STAB2: variants seen among roughly 807,000 people sequenced by gnomAD.
The protein encoded by STAB2 is stabilin-2.
A neutral mutation model predicts 338.1 loss-of-function variants in STAB2; 288 were observed. That is an observed-to-expected ratio of 0.85 (90% CI 0.77 to 0.94). The LOEUF is 0.94. Ranked by LOEUF, STAB2 falls within the 40% of genes least tolerant of loss-of-function variation. The pLI is 0.00. For synonymous variants in STAB2, 1,202 were observed against 1,193.3 expected (o/e 1.01, Z -0.15); for missense variants, 3,141 against 3,210.1 (o/e 0.98, Z 0.52).
chr12:103,736,299 C>T (rs935368350), intron 52 of STAB2, among the ~76,000 whole-genome samples: 5 of 152,254 alleles, frequency 3.3e-5, no homozygotes, highest in African/African-American at 9.6e-5. Context: ...ACTTTCCAGG[C>T]AGTGGGAAGG....
At chr12:103,722,330 G>T (rs1411300380) in intron 44 of STAB2, among the ~76,000 whole-genome samples, 1 of 152,208 alleles carries the variant, frequency 6.6e-6, no homozygotes, top group East Asian at 1.9e-4. Flanking sequence ...CAAGAGGAGT[G>T]ATTGTACAGG....
intron 11 of STAB2, among the ~76,000 whole-genome samples, chr12:103,650,810 C>T (rs1307085898): frequency 1.3e-5 from 2 of 152,182 alleles, no homozygotes; most frequent in Non-Finnish European, 2.9e-5. Context: ...CTTGTGTAAA[C>T]ACCAAGTCCA....
chr12:103,643,883 C>G (rs1278210357), intron 9 of STAB2, among the ~76,000 whole-genome samples: 1 of 140,622 alleles, frequency 7.1e-6, no homozygotes, highest in African/African-American at 2.6e-5. Flanking sequence ...GTGAGGGGCG[C>G]CTCTGCCCGG....
chr12:103,719,152 G>A (rs533598711), intron 44 of STAB2, among the ~76,000 whole-genome samples: 2 of 152,206 alleles, frequency 1.3e-5, no homozygotes, highest in Non-Finnish European at 2.9e-5. Context: ...AAAGGGATGA[G>A]ATAAGCCTGC....
At chr12:103,688,071 C>A (rs558966285) in intron 27 of STAB2, 97 bp from the exon 28 acceptor site, 2 of 1,206,356 alleles carry the variant, frequency 1.7e-6, no homozygotes, top group Non-Finnish European at 2.5e-6. Context: ...AGGCTGAGTG[C>A]AGGTGACCCA....
chr12:103,653,761 TGGAC>T, intron 12 of STAB2, among the ~76,000 whole-genome samples: 1 of 148,566 alleles, frequency 6.7e-6, no homozygotes, highest in African/African-American at 2.5e-5. Context: ...GATGGATGGA[TGGAC>T]GGATGGATGG....
intron 34 of STAB2, among the ~76,000 whole-genome samples, chr12:103,702,116 T>A (rs1475561653): frequency 7.4e-6 from 1 of 135,046 alleles, no homozygotes; most frequent in African/African-American, 2.8e-5. Context: ...TTTCATTGAT[T>A]ACTCATTAAA....
chr12:103,695,471 C>A, intron 31 of STAB2, 79 bp from the exon 32 acceptor site: 1 of 1,322,336 alleles, frequency 7.6e-7, no homozygotes, highest in Non-Finnish European at 1.1e-6. Context: ...AGGTTAATGG[C>A]ATTAGACTCT....
chr12:103,632,764 A>C (rs909487614), intron 6 of STAB2, among the ~76,000 whole-genome samples: 5 of 152,126 alleles, frequency 3.3e-5, no homozygotes, highest in African/African-American at 1.2e-4. Context: ...CCCGCCTCCC[A>C]CCGTGTCCCG....
At chr12:103,732,882 G>A (rs1881744598) in intron 50 of STAB2, 124 bp from the exon 51 acceptor site, 1 of 1,114,300 alleles carries the variant, frequency 9.0e-7, no homozygotes, top group South Asian at 1.6e-5. Flanking sequence ...CATCACCCTT[G>A]AACCATCCAG....
At chr12:103,599,965 A>G (rs559635529) in intron 3 of STAB2, among the ~76,000 whole-genome samples, 1 of 152,364 alleles carries the variant, frequency 6.6e-6, no homozygotes, top group Admixed American at 6.5e-5. Flanking sequence ...CAAATTCTTA[A>G]GTTAGGCCTG....
intron 68 of STAB2, among the ~76,000 whole-genome samples, chr12:103,765,734 G>C (rs958749342): frequency 1.7e-5 from 2 of 121,086 alleles, no homozygotes; most frequent in African/African-American, 5.5e-5. Flanking sequence ...TAGAGATAAG[G>C]TTTCACCGTG....
In STAB2 at chr12:103,717,777, G is replaced by A. The variant is rs1253829817; in HGVS notation, c.4619G>A (p.Cys1540Tyr). The change falls in exon 44 of 69, where the codon TGT becomes TAT. Residue 1540 changes from cysteine to tyrosine, a missense_variant. Transcript: ENST00000388887. The stretch of plus-strand genomic sequence containing the variant: ...GCTTCTACTCCTGGACAGGCTGCCT[G>A]TAACTGTTTGCCAGCATACACTGGA... ...CTQTGPNQAACNCLPAYTGDG... is the reference protein window; with the variant it reads ...CTQTGPNQAAYNCLPAYTGDG... 1.9e-6 allele frequency: 3 copies of A among 1,613,996 alleles called. No individual in the cohort carries two copies. Among genetic ancestry groups the A allele is most frequent in the South Asian group, 2.2e-5 (2 of 91,080 alleles).
At chr12:103,590,872 GT>G in intron 1 of STAB2, 24 bp from the exon 2 acceptor site, 2 of 1,613,736 alleles carry the variant, frequency 1.2e-6, no homozygotes, top group Non-Finnish European at 1.7e-6. Flanking sequence ...AGGAATTAAT[GT>G]TCTTTTTTTT....
rs148385940 is a variant in STAB2, at chr12:103,651,164, C to G, written c.1257+586C>G. ...CATCACTAATATAGTTATATTTGGT[C>G]TAATGTAAATAATGGACTTATCGAT... On this transcript the variant is annotated intron_variant, in intron 11 of 68. Transcript: ENST00000388887. Among the ~76,000 whole-genome samples the G allele has an allele frequency of 7.4e-4, 113 of 152,250 alleles. 1 individual carries two copies. Among genetic ancestry groups the G allele is most frequent in the African/African-American group, 2.3e-3 (95 of 41,532 alleles).
chr12:103,763,467 C>T, intron 67 of STAB2, 25 bp from the exon 68 acceptor site: 1 of 1,610,148 alleles, frequency 6.2e-7, no homozygotes, highest in South Asian at 1.1e-5. Context: ...ATGCTCCTGG[C>T]TTTCATGCTT....
chr12:103,730,828 T>G (rs1283463440), intron 49 of STAB2, among the ~76,000 whole-genome samples: 3 of 152,086 alleles, frequency 2.0e-5, no homozygotes, highest in African/African-American at 7.2e-5. Flanking sequence ...ATGAACAGAT[T>G]GCTTGAGTCC....
intron 15 of STAB2, among the ~76,000 whole-genome samples, chr12:103,657,401 A>G (rs1874274533): frequency 6.6e-6 from 1 of 152,190 alleles, no homozygotes; most frequent in African/African-American, 2.4e-5. Context: ...TAACTAGAAT[A>G]GGAAAAAATC....
chr12:103,746,681 A>C lies in STAB2; in HGVS notation c.6221A>C (p.Glu2074Ala), dbSNP rs1444908985. 3 of 1,613,972 alleles carry C rather than the reference A, an allele frequency of 1.9e-6. No homozygotes were observed. Among genetic ancestry groups the C allele is most frequent in the Non-Finnish European group, 2.5e-6 (3 of 1,179,896 alleles). ...NNTCECNLDY[E>A]GDGITCTVVD... ...ACGTGTGAGTGTAACCTGGATTATG[A>C]AGGTGACGGAATCACATGCACAGGT... The change falls in exon 58 of 69, where the codon GAA (glutamate) becomes GCA (alanine). Residue 2074 changes from glutamate (E) to alanine (A), a missense_variant. Coordinates refer to ENST00000388887, the MANE Select transcript of STAB2 (RefSeq NM_017564.10).
Sources: allele counts gnomAD v4.1 joint callset (sites outside exome capture counted in the v4.1 genomes callset), GRCh38; gene constraint gnomAD v4.1.1; transcripts MANE v1.5; gene names NCBI Gene and HGNC (gene_info 2026-07-23, HGNC 2026-07-21).